TP63: variants seen among roughly 807,000 people sequenced by gnomAD.
TP63 encodes the protein tumor protein 63.
A neutral mutation model predicts 82.8 loss-of-function variants in TP63; 17 were observed. The ratio of observed to expected loss-of-function variants is 0.21; its 90% confidence interval spans 0.14 to 0.31. The LOEUF (loss-of-function observed/expected upper bound fraction) is 0.31, where lower values mean the gene tolerates loss of function less well. Ranked by LOEUF, TP63 falls within the 10% of genes least tolerant of loss-of-function variation. The pLI is 1.00. For synonymous variants in TP63, 330 were observed against 321.7 expected (o/e 1.03, Z -0.28); for missense variants, 648 against 895.3 (o/e 0.72, Z 3.52).
At chr3:189,747,767 A>T in intron 3 of TP63, among the ~76,000 whole-genome samples, 1 of 152,090 alleles carries the variant, frequency 6.6e-6, no homozygotes. Context: ...GACTAAAAAA[A>T]TTGGAAAGGA....
At chr3:189,695,904 A>G (rs1278233957) in intron 1 of TP63, among the ~76,000 whole-genome samples, 1 of 152,176 alleles carries the variant, frequency 6.6e-6, no homozygotes, top group Non-Finnish European at 1.5e-5. Flanking sequence ...TAAATTTTAT[A>G]GATTCGCTAA....
At chr3:189,683,640 A>C (rs1716165761) in intron 1 of TP63, among the ~76,000 whole-genome samples, 1 of 152,200 alleles carries the variant, frequency 6.6e-6, no homozygotes, top group Non-Finnish European at 1.5e-5. Flanking sequence ...TAGCATATTG[A>C]ATGTCCCACT....
At chr3:189,815,158 A>G (rs1728039355) in intron 4 of TP63, among the ~76,000 whole-genome samples, 1 of 151,580 alleles carries the variant, frequency 6.6e-6, no homozygotes, top group African/African-American at 2.4e-5. Context: ...TTTTGTAGGT[A>G]TCATCAGCTA....
At chr3:189,858,738 C>T (rs1279591328) in intron 4 of TP63, among the ~76,000 whole-genome samples, 1 of 152,122 alleles carries the variant, frequency 6.6e-6, no homozygotes. Context: ...GTGATGGTGC[C>T]ACTGTACTGC....
intron 4 of TP63, among the ~76,000 whole-genome samples, chr3:189,841,682 G>C (rs1714141459): frequency 6.6e-6 from 1 of 152,158 alleles, no homozygotes; most frequent in Non-Finnish European, 1.5e-5. Flanking sequence ...CAGAATGAAT[G>C]GTTTCTGAAC....
chr3:189,781,684 G>A (rs1724247825), intron 3 of TP63, among the ~76,000 whole-genome samples: 1 of 152,102 alleles, frequency 6.6e-6, no homozygotes, highest in African/African-American at 2.4e-5. Context: ...AAAGAATGAG[G>A]CATCTCCTGC....
In TP63 at chr3:189,864,217, C is replaced by T. The variant is rs1717406142; in HGVS notation, c.580-15C>T. 1 of 1,614,074 alleles carries T rather than the reference C, an allele frequency of 6.2e-7. No homozygotes were observed. Among genetic ancestry groups the T allele is most frequent in the Non-Finnish European group, 8.5e-7 (1 of 1,179,994 alleles). ...TTCTCTCCTTCCTTTCTCCACTGGC[C>T]CCAACTCTAAGCAGTATTCCACTGA... On this transcript the variant is annotated splice_polypyrimidine_tract_variant and intron_variant, in intron 4 of 13. Transcript: ENST00000264731.
intron 3 of TP63, among the ~76,000 whole-genome samples, chr3:189,741,908 TGTTTTCAAG>T (rs1721014032): frequency 6.6e-6 from 1 of 152,072 alleles, no homozygotes; most frequent in Non-Finnish European, 1.5e-5. Flanking sequence ...CATTTTAGTC[TGTTTTCAAG>T]GAACTTCTAG....
chr3:189,745,131 A>G (rs572108903), intron 3 of TP63, among the ~76,000 whole-genome samples: 1 of 152,330 alleles, frequency 6.6e-6, no homozygotes, highest in South Asian at 2.1e-4. Context: ...CTCTTCTATG[A>G]AAGCAAATTC....
At chr3:189,794,889 A>G (rs749784405) in intron 3 of TP63, among the ~76,000 whole-genome samples, 2 of 152,008 alleles carry the variant, frequency 1.3e-5, no homozygotes, top group Non-Finnish European at 2.9e-5. Flanking sequence ...CTTTGGAAGG[A>G]TACGCATGGA....
intron 3 of TP63, among the ~76,000 whole-genome samples, chr3:189,749,108 G>A (rs1721603001): frequency 6.6e-6 from 1 of 151,820 alleles, no homozygotes; most frequent in African/African-American, 2.4e-5. Flanking sequence ...CAGAACATTG[G>A]TCTAGGCAGA....
intron 1 of TP63, among the ~76,000 whole-genome samples, chr3:189,713,473 C>T (rs1393097555): frequency 6.6e-6 from 1 of 152,058 alleles, no homozygotes; most frequent in East Asian, 1.9e-4. Context: ...CATCTTATTC[C>T]AAACGTTTAG....
chr3:189,761,281 T>C (rs1460178683), intron 3 of TP63, among the ~76,000 whole-genome samples: 1 of 152,240 alleles, frequency 6.6e-6, no homozygotes, highest in Non-Finnish European at 1.5e-5. Context: ...ACTTTTGTGC[T>C]GTTTCCCTTT....
At chr3:189,810,190 A>G (rs1350824202) in intron 4 of TP63, among the ~76,000 whole-genome samples, 3 of 152,176 alleles carry the variant, frequency 2.0e-5, no homozygotes, top group Non-Finnish European at 4.4e-5. Context: ...GAGGCGATGG[A>G]TACTGCAGGT....
upstream of TP63, among the ~76,000 whole-genome samples, chr3:189,630,580 T>C (rs1729419834): frequency 6.6e-6 from 1 of 152,134 alleles, no homozygotes; most frequent in South Asian, 2.1e-4. Context: ...TAAACTAGAA[T>C]ATTTTTATTA....
chr3:189,740,897 C>T (rs1440071249), intron 3 of TP63, among the ~76,000 whole-genome samples: 1 of 152,172 alleles, frequency 6.6e-6, no homozygotes, highest in Non-Finnish European at 1.5e-5. Flanking sequence ...TTTCTCCTCT[C>T]TGGATAATTC....
At chr3:189,833,884 C>T (rs918264578) in intron 4 of TP63, among the ~76,000 whole-genome samples, 2 of 152,110 alleles carry the variant, frequency 1.3e-5, no homozygotes, top group Admixed American at 6.5e-5. Context: ...TTTGTCTTTA[C>T]ATGAAGAATG....
intron 1 of TP63, among the ~76,000 whole-genome samples, chr3:189,690,031 G>A (rs1716791357): frequency 6.6e-6 from 1 of 152,116 alleles, no homozygotes; most frequent in Non-Finnish European, 1.5e-5. Context: ...CTGCCACACT[G>A]AAGGTCCCAA....
upstream of TP63, chr3:189,631,148 G>T (rs573622721): frequency 8.5e-6 from 7 of 820,684 alleles, no homozygotes; most frequent in East Asian, 6.3e-4. Context: ...ATCCAATCAC[G>T]ACAGAGATCA....
Sources: allele counts gnomAD v4.1 joint callset (sites outside exome capture counted in the v4.1 genomes callset), GRCh38; gene constraint gnomAD v4.1.1; transcripts MANE v1.5; gene names NCBI Gene and HGNC (gene_info 2026-07-23, HGNC 2026-07-21).